The following P2RX4 variants were observed in gnomAD, a reference collection of about 807,000 sequenced individuals.
P2RX4 encodes the protein P2X purinoceptor 4.
In P2RX4, 37 loss-of-function variants were observed where a neutral mutation model predicts 48.0. The observed-to-expected ratio is 0.77, with a 90% CI of 0.59 to 1.01. The LOEUF is 1.01. P2RX4 is among the 50% of genes least tolerant of loss of function. The probability of loss-of-function intolerance (pLI) is 0.00; values close to 1 mark genes in which losing one functional copy is unlikely to be tolerated. For missense variants in P2RX4, 501 were observed against 521.4 expected, an observed-to-expected ratio of 0.96 and a Z score of 0.38; for synonymous variants, 200 against 199.7, an observed-to-expected ratio of 1.00 and a Z score of -0.01.
Position 121,232,999 on chromosome 12 carries a change from G to A in P2RX4, c.1047G>A (p.Ala349=). ...IGSGLALLGM[A]TVLCDIIVLY... ...CTCTCACCCTATGCTAAACTCAGGC[G>A]ACCGTGCTGTGTGACATCATAGTCC... The change falls in exon 11 of 12, where the codon GCG becomes GCA. Residue 349 remains alanine, a splice_region_variant and synonymous_variant. Transcript: ENST00000337233. The surrounding 1 kb of genome is among the most constrained non-coding windows in gnomAD (Gnocchi z 4.3). The A allele has an allele frequency of 1.2e-6, 2 of 1,611,302 alleles. No individual in the cohort carries two copies. Among genetic ancestry groups the A allele is most frequent in the Non-Finnish European group, 1.7e-6 (2 of 1,177,486 alleles).
chr12:121,225,556 G>A (rs567468744), intron 5 of P2RX4, among the ~76,000 whole-genome samples: 224 of 151,814 alleles, frequency 1.5e-3, no homozygotes, highest in African/African-American at 5.2e-3. Context: ...GACTACAGGC[G>A]CCCACCACCA....
chr12:121,223,134 T>C (rs1297096251), intron 5 of P2RX4, 91 bp downstream of exon 5: 9 of 818,366 alleles, frequency 1.1e-5, no homozygotes, highest in Non-Finnish European at 1.9e-5. Flanking sequence ...AGTGCAGTGG[T>C]GCGATCTTGG....
chr12:121,212,834 T>A (rs1278780963), intron 1 of P2RX4: 2 of 116,458 alleles, frequency 1.7e-5, no homozygotes, highest in African/African-American at 6.6e-5. Context: ...ATTTTTTTTT[T>A]TTTTTTGGAG....
Position 121,232,599 on chromosome 12 carries a change from G to C in P2RX4, c.979-12G>C, listed in dbSNP as rs375448746. 6.2e-7 allele frequency: 1 copy of C among 1,613,614 alleles called. No individual in the cohort carries two copies. Among genetic ancestry groups the C allele is most frequent in the African/African-American group, 1.3e-5 (1 of 75,006 alleles). ...GCAGAAACACTTTTTTTCTTTTTCG[G>C]TGTCTTGGCAGGCAGGGAAATTTGA... On this transcript the variant is annotated splice_polypyrimidine_tract_variant and intron_variant, in intron 9 of 11. Coordinates refer to ENST00000337233, the MANE Select transcript of P2RX4 (RefSeq NM_002560.3). The surrounding 1 kb of genome is among the most constrained non-coding windows in gnomAD (Gnocchi z 4.3).
intron 1 of P2RX4, chr12:121,214,515 A>G (rs1886094413): frequency 1.3e-5 from 2 of 152,208 alleles, no homozygotes. Context: ...TCATATGAGG[A>G]GGAAATAATC....
chr12:121,222,710 C>A, intron 4 of P2RX4: 2 of 1,463,794 alleles, frequency 1.4e-6, no homozygotes, highest in Non-Finnish European at 1.8e-6. Context: ...CTGTGCCTGG[C>A]CTCTTGTCCC....
At chr12:121,230,471 G>A (rs569576135) in intron 8 of P2RX4, among the ~76,000 whole-genome samples, 1 of 152,244 alleles carries the variant, frequency 6.6e-6, no homozygotes, top group African/African-American at 2.4e-5. Context: ...TAGTGGTGAC[G>A]TGTGGAATCC....
At chr12:121,222,650 G>T (rs1886714813) in intron 4 of P2RX4, 1 of 861,714 alleles carries the variant, frequency 1.2e-6, no homozygotes, top group Admixed American at 2.2e-5. Flanking sequence ...GACCTCAGGT[G>T]ATCCACCCGC....
chr12:121,221,154 GTCTGTGTGTGTT>G (rs1217542443), intron 2 of P2RX4, among the ~76,000 whole-genome samples: 78 of 130,222 alleles, frequency 6.0e-4, no homozygotes, highest in African/African-American at 2.2e-3. Flanking sequence ...GTGTGCGTGT[GTCTGTGTGTGTT>G]TGTGTGTGTG....
At chr12:121,233,430 C>G (rs1040196707) in intron 11 of P2RX4, 93 bp from the exon 12 acceptor site, 1 of 1,381,992 alleles carries the variant, frequency 7.2e-7, no homozygotes, top group African/African-American at 1.4e-5. Flanking sequence ...AACTTGAGAA[C>G]CCCTGGCGGT....
chr12:121,230,174 G>A (rs1181486543), intron 8 of P2RX4, among the ~76,000 whole-genome samples: 3 of 152,176 alleles, frequency 2.0e-5, no homozygotes, highest in Admixed American at 1.3e-4. Context: ...AGGCCAAGGC[G>A]GGCAGATCAC....
At chr12:121,231,571 C>T (rs565633245) in intron 8 of P2RX4, among the ~76,000 whole-genome samples, 28 of 152,080 alleles carry the variant, frequency 1.8e-4, no homozygotes, top group Non-Finnish European at 3.4e-4. Flanking sequence ...TTCCCCTTAG[C>T]CTGATGTTTT....
chr12:121,232,727 G>GCCAGGACCAGGACCCCAGCC lies in P2RX4; in HGVS notation c.1044+52_1044+53insCAGGACCAGGACCCCAGCCC. ...CCCTCACGGTGAGGTGAGACCCTGG[G>GCCAGGACCAGGACCCCAGCC]CTGGGGTCCTGGTCCTGGCCCTAGG... On this transcript the variant is annotated intron_variant, in intron 10 of 11. Coordinates refer to ENST00000337233, the MANE Select transcript of P2RX4 (RefSeq NM_002560.3). The surrounding 1 kb of genome is among the most constrained non-coding windows in gnomAD (Gnocchi z 4.3). 1 of 1,478,946 alleles carries GCCAGGACCAGGACCCCAGCC rather than the reference G, an allele frequency of 6.8e-7. No homozygotes were observed. The highest frequency in any genetic ancestry group is 9.5e-7 in the Non-Finnish European group (1 of 1,057,748). The allele number at this position is 1,478,946 out of a possible 1,614,324, so 91.6% of individuals were successfully genotyped here. A position where few individuals can be genotyped will look rare whatever the true frequency, so the allele number is the denominator to read the frequency against.
chr12:121,232,706 C>G lies in P2RX4; in HGVS notation c.1044+30C>G. ...GTGGTTTAGGCCCTGCCTTCACCCT[C>G]ACGGTGAGGTGAGACCCTGGGCTGG... On this transcript the variant is annotated intron_variant, in intron 10 of 11. Coordinates refer to ENST00000337233, the MANE Select transcript of P2RX4 (RefSeq NM_002560.3). This position sits in a 1 kb window ranked among gnomAD's most constrained non-coding sequence, Gnocchi z 4.3. 1 of 1,563,860 alleles carries G rather than the reference C, an allele frequency of 6.4e-7. No homozygotes were observed. The highest frequency in any genetic ancestry group is 8.8e-7 in the Non-Finnish European group (1 of 1,134,178).
chr12:121,217,020 A>C, intron 1 of P2RX4, 114 bp from the exon 2 acceptor site: 2 of 1,058,706 alleles, frequency 1.9e-6, no homozygotes, highest in Non-Finnish European at 3.0e-6. Flanking sequence ...GCTTGTAGAA[A>C]GTCATGTAAT....
At position 121,229,188 on chromosome 12, in the gene P2RX4, C is replaced by A; in HGVS notation, c.884+89C>A. On this transcript the variant is annotated intron_variant, in intron 8 of 11. Transcript: ENST00000337233. This position sits in a 1 kb window ranked among gnomAD's most constrained non-coding sequence, Gnocchi z 4.6. Reference sequence around the variant, plus strand: ...GTGGGCCGCCCACTGAAGACCAGCACTCAGGCAGCACCCCAAGGGCAGGCT... The same window carrying A: ...GTGGGCCGCCCACTGAAGACCAGCAATCAGGCAGCACCCCAAGGGCAGGCT... 1 of 1,507,322 alleles carries A rather than the reference C, an allele frequency of 6.6e-7. No homozygotes were observed. Among genetic ancestry groups the A allele is most frequent in the South Asian group, 1.1e-5 (1 of 87,486 alleles). The allele number at this position is 1,507,322 out of a possible 1,614,324, so 93.4% of individuals were successfully genotyped here.
Position 121,228,611 on chromosome 12 carries a change from C to CAAGT in P2RX4, c.605+3_605+6dup. ...TCTGGTATCCCAAATTTAATTTCAG[C>CAAGT]AAGTAAGTGGTGGCCAGGTGTGTGA... On this transcript the variant is annotated frameshift_variant and splice_region_variant, in exon 6 of 12. Coordinates refer to ENST00000337233, the MANE Select transcript of P2RX4 (RefSeq NM_002560.3). LOFTEE classifies it high-confidence loss of function. The CAAGT allele has an allele frequency of 6.2e-7, 1 of 1,613,446 alleles. No homozygotes were observed. Among genetic ancestry groups the CAAGT allele is most frequent in the Non-Finnish European group, 8.5e-7 (1 of 1,179,680 alleles).
chr12:121,229,156 C>T lies in P2RX4; in HGVS notation c.884+57C>T, dbSNP rs557659381. Reference sequence around the variant, plus strand: ...TGTAGGGGGTGCTGGTGGCTGCGTACGTGCCAGTGGGCCGCCCACTGAAGA... The same window carrying T: ...TGTAGGGGGTGCTGGTGGCTGCGTATGTGCCAGTGGGCCGCCCACTGAAGA... On this transcript the variant is annotated intron_variant, in intron 8 of 11. Transcript: ENST00000337233. This position sits in a 1 kb window ranked among gnomAD's most constrained non-coding sequence, Gnocchi z 4.6. The T allele has an allele frequency of 5.3e-5, 85 of 1,602,300 alleles. No homozygotes were observed. The highest frequency in any genetic ancestry group is 3.5e-4 in the African/African-American group (26 of 74,828).
At chr12:121,212,815 T>C (rs1885959701) in intron 1 of P2RX4, 2 of 40,286 alleles carry the variant, frequency 5.0e-5, no homozygotes, top group South Asian at 1.6e-3. Context: ...TATATATATA[T>C]ATATATATAT....
Sources: gnomAD v4.1 joint callset for allele counts (sites outside exome capture counted in the v4.1 genomes callset) on GRCh38, gnomAD v4.1.1 for gene constraint, Gnocchi (gnomAD v3.1) non-coding constraint, MANE v1.5 for transcripts, NCBI Gene and HGNC (gene_info 2026-07-23, HGNC 2026-07-21) for gene names.